Variants in ROCK2 observed in about 807,000 individuals in gnomAD.
The protein encoded by ROCK2 is rho-associated protein kinase 2.
Under a neutral mutation model 195.1 loss-of-function variants are expected in ROCK2, and 61 were observed. The ratio of observed to expected loss-of-function variants is 0.31; its 90% CI spans 0.25 to 0.39. The LOEUF is 0.39. ROCK2 is among the 10% of genes least tolerant of loss of function. ROCK2 has a pLI of 1.00. For missense variants in ROCK2, 1,109 were observed against 1,637.4 expected, an observed-to-expected ratio of 0.68 and a Z score of 5.57; for synonymous variants, 504 against 545.5, an observed-to-expected ratio of 0.92 and a Z score of 1.06.
intron 3 of ROCK2, among the ~76,000 whole-genome samples, chr2:11,277,028 A>G (rs1666850011): frequency 6.6e-6 from 1 of 152,168 alleles, no homozygotes; most frequent in Admixed American, 6.5e-5. Flanking sequence ...AGGGTACACA[A>G]ATTTACTATA....
intron 32 of ROCK2, among the ~76,000 whole-genome samples, chr2:11,186,346 T>C (rs945654169): frequency 5.3e-5 from 8 of 152,194 alleles, no homozygotes; most frequent in Admixed American, 3.9e-4. Context: ...GAAAGCTGCA[T>C]TGCATACCCT....
intron 3 of ROCK2, among the ~76,000 whole-genome samples, chr2:11,264,990 A>G (rs1666365142): frequency 6.6e-6 from 1 of 152,164 alleles, no homozygotes; most frequent in Admixed American, 6.5e-5. Context: ...TTCAAATCTC[A>G]TTTCAACCAC....
intron 32 of ROCK2, among the ~76,000 whole-genome samples, chr2:11,190,931 T>G (rs1206542018): frequency 6.6e-6 from 1 of 152,218 alleles, no homozygotes; most frequent in Non-Finnish European, 1.5e-5. Context: ...AATCATTAAT[T>G]TTGTTTAGTT....
At chr2:11,266,194 G>A (rs1482872655) in intron 3 of ROCK2, among the ~76,000 whole-genome samples, 1 of 152,200 alleles carries the variant, frequency 6.6e-6, no homozygotes, top group African/African-American at 2.4e-5. Flanking sequence ...TCCCTCCTGA[G>A]GGACCTGCCT....
intron 4 of ROCK2, among the ~76,000 whole-genome samples, chr2:11,244,951 A>C (rs1297051747): frequency 6.6e-6 from 1 of 152,034 alleles, no homozygotes; most frequent in Admixed American, 6.6e-5. Context: ...CCCATGTTTA[A>C]ATAATTAAAT....
intron 9 of ROCK2, among the ~76,000 whole-genome samples, chr2:11,220,574 A>G (rs1664602716): frequency 6.6e-6 from 1 of 152,198 alleles, no homozygotes; most frequent in Non-Finnish European, 1.5e-5. Context: ...AGTCTCATCG[A>G]GTCCTCCAAA....
Position 11,336,413 on chromosome 2 carries a change from C to T in ROCK2, c.141+7583G>A, listed in dbSNP as rs371644868. 1.7e-4 allele frequency among the ~76,000 whole-genome samples: 26 copies of T among 152,244 alleles called. No individual in the cohort carries two copies. The East Asian group carries it at 2.5e-3, about 15-fold the overall frequency. On this transcript the variant is annotated intron_variant, in intron 1 of 32. Coordinates refer to ENST00000315872, the MANE Select transcript of ROCK2 (RefSeq NM_004850.5). ...CACAAGTTTGTGCCACCATGCCTGG[C>T]TAATTTTTTTATTTCTGTAGAGGCG...
chr2:11,183,164 AC>A lies in ROCK2; in HGVS notation c.*272del. The A allele has an allele frequency of 5.8e-6, 2 of 345,428 alleles. No individual in the cohort carries two copies. Among genetic ancestry groups the A allele is most frequent in the Non-Finnish European group, 1.1e-5 (2 of 186,260 alleles). The allele number at this position is 345,428 out of a possible 1,614,324, so 21.4% of individuals were successfully genotyped here. A position where few individuals can be genotyped will look rare whatever the true frequency, so the allele number is the denominator to read the frequency against. ...CCTTGTGTGCATTGTAGTGTGAGCG[AC>A]TGCCGAGAGAGCTTTATGGAAAAGT... is the stretch of plus-strand genomic sequence containing the variant. On this transcript the variant is annotated 3_prime_UTR_variant, in exon 33 of 33. Coordinates refer to ENST00000315872, the MANE Select transcript of ROCK2 (RefSeq NM_004850.5).
At chr2:11,216,277 G>A in intron 12 of ROCK2, 71 bp from the exon 13 acceptor site, 2 of 1,124,540 alleles carry the variant, frequency 1.8e-6, no homozygotes, top group East Asian at 2.4e-5. Flanking sequence ...AAATTTAAAA[G>A]TAATTACATA....
intron 1 of ROCK2, among the ~76,000 whole-genome samples, chr2:11,320,194 A>T (rs527763120): frequency 1.6e-4 from 24 of 152,324 alleles, no homozygotes; most frequent in African/African-American, 5.8e-4. Flanking sequence ...GGCTAATCAC[A>T]CACAACAACA....
intron 1 of ROCK2, among the ~76,000 whole-genome samples, chr2:11,326,241 A>G (rs75602488): frequency 9.9e-4 from 64 of 64,726 alleles, no homozygotes; most frequent in East Asian, 6.8e-3. Flanking sequence ...AAAAAAAAAA[A>G]GTAAGGAACA....
chr2:11,323,013 T>G (rs1668446453), intron 1 of ROCK2, among the ~76,000 whole-genome samples: 1 of 151,968 alleles, frequency 6.6e-6, no homozygotes, highest in Non-Finnish European at 1.5e-5. Context: ...GTGAAGAAGA[T>G]TAACCTGAAC....
intron 4 of ROCK2, among the ~76,000 whole-genome samples, chr2:11,239,140 A>G (rs1665334254): frequency 1.3e-5 from 2 of 152,164 alleles, no homozygotes; most frequent in Admixed American, 1.3e-4. Context: ...GAATATCTTA[A>G]TGAACCTAGA....
intron 1 of ROCK2, among the ~76,000 whole-genome samples, chr2:11,343,629 C>A (rs1191549026): frequency 1.3e-5 from 2 of 152,206 alleles, no homozygotes; most frequent in African/African-American, 4.8e-5. Context: ...CGCACCAAGT[C>A]CCCACGTAGC....
rs1663862273 is a variant in ROCK2 at position 11,201,805 on chromosome 2, TAATTTTATTAC to T, written c.2619+236_2619+246del. On this transcript the variant is annotated intron_variant, in intron 21 of 32. Transcript: ENST00000315872. This position sits in a 1 kb window ranked among gnomAD's most constrained non-coding sequence, Gnocchi z 4.6. ...AAAAAAAGCACAACTATTAAAATGA[TAATTTTATTAC>T]AATTTTATTTCTTGCATTATGAAAA... 6.6e-6 allele frequency among the ~76,000 whole-genome samples: 1 copy of T among 152,232 alleles called. No homozygotes were observed. Among genetic ancestry groups the T allele is most frequent in the Admixed American group, 6.5e-5 (1 of 15,288 alleles).
chr2:11,285,724 G>T (rs931692306), intron 3 of ROCK2, among the ~76,000 whole-genome samples: 4 of 152,086 alleles, frequency 2.6e-5, no homozygotes, highest in African/African-American at 4.8e-5. Context: ...CTTCTTGGAG[G>T]GCTGAGGTAG....
intron 3 of ROCK2, among the ~76,000 whole-genome samples, chr2:11,261,567 C>T (rs375015902): frequency 7.9e-5 from 12 of 152,094 alleles, no homozygotes; most frequent in African/African-American, 2.9e-4. Context: ...GCCTGTAATC[C>T]CAACACTTTG....
At chr2:11,276,088 GA>G (rs1226724866) in intron 3 of ROCK2, among the ~76,000 whole-genome samples, 2 of 152,140 alleles carry the variant, frequency 1.3e-5, no homozygotes, top group Non-Finnish European at 2.9e-5. Flanking sequence ...CTACATATGT[GA>G]AACACCCACG....
At chr2:11,267,348 G>A (rs775514506) in intron 3 of ROCK2, among the ~76,000 whole-genome samples, 6 of 152,198 alleles carry the variant, frequency 3.9e-5, no homozygotes, top group South Asian at 4.1e-4. Flanking sequence ...TGGTCACCAC[G>A]ATCTCTGAGT....
Sources: allele counts gnomAD v4.1 joint callset (sites outside exome capture counted in the v4.1 genomes callset), GRCh38; gene constraint gnomAD v4.1.1; non-coding constraint Gnocchi (gnomAD v3.1); transcripts MANE v1.5; gene names NCBI Gene and HGNC (gene_info 2026-07-23, HGNC 2026-07-21).